Variants in MDGA2 observed in about 807,000 individuals in gnomAD.
MDGA2 encodes MAM domain-containing glycosylphosphatidylinositol anchor protein 2.
In MDGA2, 40 loss-of-function variants were observed where a neutral mutation model predicts 117.8. That is an observed-to-expected ratio of 0.34 (90% CI 0.26 to 0.44). MDGA2 has a LOEUF of 0.44. MDGA2 is among the 20% of genes least tolerant of loss of function. MDGA2 has a pLI of 1.00. For missense variants in MDGA2, 1,123 were observed against 1,250.6 expected (o/e 0.90, Z 1.54); for synonymous variants, 452 against 439.0 (o/e 1.03, Z -0.37).
At position 47,229,318 on chromosome 14, in the gene MDGA2, A is replaced by G. The variant is rs369158608; in HGVS notation, c.421-11123T>C. Among the ~76,000 whole-genome samples, 4 of 152,102 alleles carry G rather than the reference A, an allele frequency of 2.6e-5. No individual in the cohort carries two copies. The East Asian group carries it at 7.7e-4, about 29-fold the overall frequency. Reference sequence around the variant, plus strand: ...CAATTTAAATTGTGGGCCTACCTCAAGAGAGAAGTCATGTGCTAAGAATGG... The same window carrying G: ...CAATTTAAATTGTGGGCCTACCTCAGGAGAGAAGTCATGTGCTAAGAATGG... On this transcript the variant is annotated intron_variant, in intron 2 of 16. Coordinates refer to ENST00000399232, the MANE Select transcript of MDGA2 (RefSeq NM_001113498.3).
Position 46,882,220 on chromosome 14 carries a change from G to C in MDGA2, c.2240C>G (p.Ala747Gly). The stretch of plus-strand genomic sequence containing the variant: ...CTGCTCCCACCAGCGCTGCTGTCCA[G>C]CCTGAAATCAAAACAATAATAGAAT... Reference protein sequence around the residue: ...IVAYRLGIRQAGQQRWWEQEI... With the variant: ...IVAYRLGIRQGGQQRWWEQEI... The change falls in exon 11 of 17, where the codon GCT (alanine) becomes GGT (glycine). Residue 747 changes from alanine (A) to glycine (G), a missense_variant and splice_region_variant. Ala to Gly is a moderately conservative substitution (Grantham distance 60). Around this residue, in one of 2 missense-constraint regions of MDGA2, gnomAD observed 890 missense variants for 1,050.3 expected, o/e 0.85. Transcript: ENST00000399232. 1 of 1,604,962 alleles carries C rather than the reference G, an allele frequency of 6.2e-7. No individual in the cohort carries two copies. Among genetic ancestry groups the C allele is most frequent in the Admixed American group, 1.7e-5 (1 of 59,132 alleles).
intron 1 of MDGA2, among the ~76,000 whole-genome samples, chr14:47,670,996 G>A (rs1199072591): frequency 6.6e-6 from 1 of 152,024 alleles, no homozygotes; most frequent in Non-Finnish European, 1.5e-5. Flanking sequence ...ATTCTATTAT[G>A]AAGAGGTTTT....
At chr14:46,906,810 A>T (rs1883511269) in intron 10 of MDGA2, among the ~76,000 whole-genome samples, 1 of 152,104 alleles carries the variant, frequency 6.6e-6, no homozygotes, top group Non-Finnish European at 1.5e-5. Flanking sequence ...AGAGAGATGT[A>T]TCTTTCTGGA....
Position 47,141,102 on chromosome 14 carries a change from C to T in MDGA2, c.792+2976G>A, listed in dbSNP as rs111991684. ...AAACAAAACCACAGTGAGCTATCAC[C>T]TCCCTCCCATTAGAATGCTATTATC... On this transcript the variant is annotated intron_variant, in intron 4 of 16. Coordinates refer to ENST00000399232, the MANE Select transcript of MDGA2 (RefSeq NM_001113498.3). Among the ~76,000 whole-genome samples the T allele has an allele frequency of 1.0e-3, 155 of 152,260 alleles. 2 individuals carry two copies. The highest frequency in any genetic ancestry group is 3.6e-3 in the African/African-American group (148 of 41,566).
intron 1 of MDGA2, among the ~76,000 whole-genome samples, chr14:47,516,321 A>G (rs1647192175): frequency 6.6e-6 from 1 of 152,172 alleles, no homozygotes; most frequent in Non-Finnish European, 1.5e-5. Context: ...GACCTGTAGC[A>G]GACATTTATT....
intron 1 of MDGA2, among the ~76,000 whole-genome samples, chr14:47,372,372 T>C (rs1467562033): frequency 6.6e-6 from 1 of 151,704 alleles, no homozygotes; most frequent in African/African-American, 2.4e-5. Context: ...CTCCAATAAA[T>C]TGTAGGAAGA....
chr14:47,176,700 A>G (rs1044592820), intron 3 of MDGA2, among the ~76,000 whole-genome samples: 3 of 152,210 alleles, frequency 2.0e-5, no homozygotes, highest in East Asian at 1.9e-4. Flanking sequence ...TAAAAACCCT[A>G]GAAGAAAACC....
chr14:47,345,583 A>T (rs1187563797), intron 1 of MDGA2, among the ~76,000 whole-genome samples: 1 of 151,996 alleles, frequency 6.6e-6, no homozygotes, highest in South Asian at 2.1e-4. Context: ...ATTTATATCC[A>T]TACCCCCACC....
At chr14:47,156,983 G>C (rs1883414481) in intron 3 of MDGA2, among the ~76,000 whole-genome samples, 1 of 152,134 alleles carries the variant, frequency 6.6e-6, no homozygotes, top group Non-Finnish European at 1.5e-5. Context: ...ACCACAACCT[G>C]ACTGAAATGG....
At chr14:47,396,333 C>G (rs1566767992) in intron 1 of MDGA2, among the ~76,000 whole-genome samples, 1 of 152,020 alleles carries the variant, frequency 6.6e-6, no homozygotes. Flanking sequence ...ACCATAAAAA[C>G]CCTAGAAGAC....
chr14:46,945,057 T>C (rs1384367030), intron 9 of MDGA2, among the ~76,000 whole-genome samples: 4 of 152,086 alleles, frequency 2.6e-5, no homozygotes, highest in Admixed American at 2.0e-4. Context: ...GAAGAATATA[T>C]GATAAATAAC....
At chr14:47,071,984 T>C (rs1241274842) in intron 6 of MDGA2, among the ~76,000 whole-genome samples, 18 of 151,504 alleles carry the variant, frequency 1.2e-4, no homozygotes. Context: ...CGTATAGTTG[T>C]TCAGGCTCAA....
chr14:47,064,492 C>T (rs971513920), intron 6 of MDGA2, among the ~76,000 whole-genome samples: 2 of 152,058 alleles, frequency 1.3e-5, no homozygotes, highest in Non-Finnish European at 1.5e-5. Flanking sequence ...TAACAGAGGA[C>T]AGAGAAATTT....
chr14:47,092,097 C>T (rs190715507), intron 6 of MDGA2, among the ~76,000 whole-genome samples: 2 of 152,246 alleles, frequency 1.3e-5, no homozygotes, highest in Admixed American at 6.5e-5. Context: ...AGAGGGGCTA[C>T]AGTGGAAAGA....
chr14:47,509,652 A>C (rs1894596861), intron 1 of MDGA2, among the ~76,000 whole-genome samples: 5 of 152,216 alleles, frequency 3.3e-5, no homozygotes, highest in Admixed American at 3.3e-4. Flanking sequence ...TGGAAAGCAG[A>C]GTATCAAATC....
At chr14:47,397,599 G>A (rs190557765) in intron 1 of MDGA2, among the ~76,000 whole-genome samples, 69 of 152,162 alleles carry the variant, frequency 4.5e-4, no homozygotes, top group South Asian at 4.1e-4. Context: ...AAAAGAAAGC[G>A]TAGGCAAATC....
intron 1 of MDGA2, among the ~76,000 whole-genome samples, chr14:47,499,361 T>C (rs1894351537): frequency 6.6e-6 from 1 of 152,144 alleles, no homozygotes; most frequent in East Asian, 1.9e-4. Context: ...TTGTTAACAT[T>C]GGAAAATCAT....
intron 1 of MDGA2, among the ~76,000 whole-genome samples, chr14:47,385,576 T>C (rs184736313): frequency 3.3e-5 from 5 of 152,278 alleles, no homozygotes; most frequent in African/African-American, 9.6e-5. Context: ...ATTAAAAAGC[T>C]ATTTTTTTCT....
At chr14:47,104,718 A>C (rs1880546736) in intron 5 of MDGA2, among the ~76,000 whole-genome samples, 1 of 152,124 alleles carries the variant, frequency 6.6e-6, no homozygotes, top group South Asian at 2.1e-4. Flanking sequence ...CTCCCTTGGG[A>C]GATCAATCCC....
Sources: allele counts gnomAD v4.1 joint callset (sites outside exome capture counted in the v4.1 genomes callset), GRCh38; gene constraint gnomAD v4.1.1; regional missense constraint gnomAD v4.1.1; transcripts MANE v1.5; gene names NCBI Gene and HGNC (gene_info 2026-07-23, HGNC 2026-07-21).